The following RNF2 variants were observed in gnomAD, a reference collection of about 807,000 sequenced individuals.
The protein encoded by RNF2 is E3 ubiquitin-protein ligase RING2.
RNF2 carries 6 observed loss-of-function variants against 37.2 expected under a neutral mutation model. The ratio of observed to expected loss-of-function variants is 0.16; its 90% CI spans 0.09 to 0.32. The LOEUF (loss-of-function observed/expected upper bound fraction) is 0.32. RNF2 is among the 10% of genes least tolerant of loss of function. The probability of loss-of-function intolerance (pLI) is 1.00; values close to 1 mark genes in which losing one functional copy is unlikely to be tolerated. For synonymous variants in RNF2, 133 were observed against 132.7 expected (o/e 1.00, Z -0.02); for missense variants, 251 against 404.0 (o/e 0.62, Z 3.25).
At chr1:185,076,308 T>TTG (rs1431777673) in intron 1 of RNF2, among the ~76,000 whole-genome samples, 2 of 113,244 alleles carry the variant, frequency 1.8e-5, no homozygotes, top group Non-Finnish European at 3.5e-5. Context: ...TTTTTTTTTT[T>TTG]GAGACAGAGT....
intron 5 of RNF2, among the ~76,000 whole-genome samples, chr1:185,099,492 TA>T (rs1305269526): frequency 1.3e-5 from 2 of 152,208 alleles, no homozygotes; most frequent in African/African-American, 4.8e-5. Flanking sequence ...TTTTTCCCCT[TA>T]GTACTTTGTG....
chr1:185,062,891 A>C (rs1469606659), intron 1 of RNF2, among the ~76,000 whole-genome samples: 1 of 152,080 alleles, frequency 6.6e-6, no homozygotes, highest in Admixed American at 6.5e-5. Flanking sequence ...TTAAAACAAC[A>C]AAGAAGTATC....
chr1:185,082,344 A>ATTTTTTTTTTTTTTTTTTT (rs1557969996), intron 1 of RNF2, among the ~76,000 whole-genome samples: 7 of 46,828 alleles, frequency 1.5e-4, no homozygotes, highest in Non-Finnish European at 2.5e-4. Flanking sequence ...CCTCTGCAGA[A>ATTTTTTTTTTTTTTTTTTT]CTTTTTTTTT....
intron 4 of RNF2, among the ~76,000 whole-genome samples, chr1:185,095,472 T>G (rs1651886003): frequency 6.6e-6 from 1 of 152,066 alleles, no homozygotes; most frequent in Non-Finnish European, 1.5e-5. Flanking sequence ...CATCTTCCAT[T>G]CTAGGACTCT....
At position 185,099,944 on chromosome 1, in the gene RNF2, A is replaced by C; in HGVS notation, c.891A>C (p.Thr297=). 1 of 1,610,886 alleles carries C rather than the reference A, an allele frequency of 6.2e-7. No individual in the cohort carries two copies. ...AGCAGTATACCATTTATATAGCAAC[A>C]GCCAGTGGCCAGTTCACTGTGAGTA... ...SEKQYTIYIA[T]ASGQFTVLNG... The change falls in exon 6 of 7, where the codon ACA becomes ACC. Residue 297 remains threonine, a synonymous_variant. Coordinates refer to ENST00000367510, the MANE Select transcript of RNF2 (RefSeq NM_007212.4).
At chr1:185,062,833 AT>A (rs1650653081) in intron 1 of RNF2, among the ~76,000 whole-genome samples, 1 of 150,156 alleles carries the variant, frequency 6.7e-6, no homozygotes, top group Non-Finnish European at 1.5e-5. Context: ...AAAAAGGCCA[AT>A]AAAGCTGTGA....
At chr1:185,087,730 T>C (rs1651645116) in intron 2 of RNF2, 90 bp downstream of exon 2, 2 of 904,780 alleles carry the variant, frequency 2.2e-6, no homozygotes, top group Admixed American at 4.1e-5. Context: ...GAACATAGAG[T>C]AATAATAAAT....
At chr1:185,094,587 T>C (rs1571326441) in intron 4 of RNF2, among the ~76,000 whole-genome samples, 1 of 152,180 alleles carries the variant, frequency 6.6e-6, no homozygotes, top group East Asian at 1.9e-4. Context: ...TCCCAACTGG[T>C]TTTTCTACTT....
chr1:185,047,482 CTG>C (rs1220125841), intron 1 of RNF2, among the ~76,000 whole-genome samples: 4 of 152,178 alleles, frequency 2.6e-5, no homozygotes, highest in Admixed American at 6.5e-5. Flanking sequence ...GGTGTCACGT[CTG>C]TGTCTCTAAT....
chr1:185,065,285 A>G (rs1650767486), intron 1 of RNF2, among the ~76,000 whole-genome samples: 1 of 152,208 alleles, frequency 6.6e-6, no homozygotes, highest in Non-Finnish European at 1.5e-5. Flanking sequence ...CTGTGAAAAA[A>G]TGGACCAATC....
chr1:185,092,849 TC>T (rs998682973), intron 3 of RNF2, among the ~76,000 whole-genome samples: 2 of 152,160 alleles, frequency 1.3e-5, no homozygotes, highest in African/African-American at 4.8e-5. Flanking sequence ...ATTTTTTCTT[TC>T]GACGAGTGGT....
At chr1:185,069,431 A>G (rs1650897726) in intron 1 of RNF2, among the ~76,000 whole-genome samples, 1 of 150,718 alleles carries the variant, frequency 6.6e-6, no homozygotes, top group African/African-American at 2.4e-5. Context: ...CACTTCAGCC[A>G]GGGTGATAAG....
intron 1 of RNF2, among the ~76,000 whole-genome samples, chr1:185,056,343 A>G (rs1023049682): frequency 4.0e-5 from 6 of 151,122 alleles, no homozygotes; most frequent in African/African-American, 1.5e-4. Flanking sequence ...TAAATTATCC[A>G]TCATTCTTTT....
intron 1 of RNF2, among the ~76,000 whole-genome samples, chr1:185,062,810 TCC>T (rs556635205): frequency 7.4e-6 from 1 of 134,282 alleles, no homozygotes; most frequent in Non-Finnish European, 1.6e-5. Flanking sequence ...TTGGTAGACC[TCC>T]CCCCCCCCAA....
chr1:185,069,973 A>G (rs1650919298), intron 1 of RNF2, among the ~76,000 whole-genome samples: 1 of 152,218 alleles, frequency 6.6e-6, no homozygotes, highest in South Asian at 2.1e-4. Context: ...CACATTAACC[A>G]AAGATTTTAG....
chr1:185,078,074 C>G (rs753122163), intron 1 of RNF2, among the ~76,000 whole-genome samples: 1 of 152,144 alleles, frequency 6.6e-6, no homozygotes, highest in Non-Finnish European at 1.5e-5. Flanking sequence ...GGGTGAAACC[C>G]TGTTTCTACT....
intron 1 of RNF2, among the ~76,000 whole-genome samples, chr1:185,057,896 G>C (rs1251990917): frequency 6.6e-6 from 1 of 152,028 alleles, no homozygotes; most frequent in African/African-American, 2.4e-5. Flanking sequence ...GCACTTAGAT[G>C]GATGGGTCAC....
intron 1 of RNF2, among the ~76,000 whole-genome samples, chr1:185,068,800 A>T (rs1033698929): frequency 6.6e-6 from 1 of 152,194 alleles, no homozygotes; most frequent in Non-Finnish European, 1.5e-5. Flanking sequence ...TTTCTAAGTA[A>T]CTCAGTTTAC....
chr1:185,085,153 T>TC lies in RNF2; in HGVS notation c.-2-2399_-2-2398insC, dbSNP rs1407869246. 5.6e-5 allele frequency among the ~76,000 whole-genome samples: 8 copies of TC among 144,000 alleles called. No homozygotes were observed. The East Asian group carries it at 1.4e-3, about 25-fold the overall frequency. 94.5% of individuals were successfully genotyped at this position (144,000 alleles called of 152,430 possible). Reference sequence around the variant, plus strand: ...GACCCTTCTTTCTTTTTCTTTTTTTTTTTTTTTTTTTTTGAGACAAAGTCT... The same window carrying TC: ...GACCCTTCTTTCTTTTTCTTTTTTTTCTTTTTTTTTTTTTGAGACAAAGTCT... On this transcript the variant is annotated intron_variant, in intron 1 of 6. Transcript: ENST00000367510.
Sources: gnomAD v4.1 joint callset for allele counts (sites outside exome capture counted in the v4.1 genomes callset) on GRCh38, gnomAD v4.1.1 for gene constraint, MANE v1.5 for transcripts, NCBI Gene and HGNC (gene_info 2026-07-23, HGNC 2026-07-21) for gene names.